Variants in LIG3 observed in about 807,000 individuals in gnomAD.
LIG3 encodes ligase II, DNA, ATP-dependent.
LIG3 carries 58 observed loss-of-function variants against 110.9 expected under a neutral mutation model. The ratio of observed to expected loss-of-function variants is 0.52; its 90% CI spans 0.42 to 0.65. LIG3 has a LOEUF of 0.65. Ranked by LOEUF, LIG3 falls within the 30% of genes least tolerant of loss-of-function variation. The probability of loss-of-function intolerance (pLI) is 0.00; values close to 1 mark genes in which losing one functional copy is unlikely to be tolerated. For missense variants in LIG3, 1,094 were observed against 1,273.8 expected, an observed-to-expected ratio of 0.86 and a Z score of 2.15; for synonymous variants, 422 against 472.8, an observed-to-expected ratio of 0.89 and a Z score of 1.39.
intron 3 of LIG3, among the ~76,000 whole-genome samples, chr17:34,989,194 C>T (rs1044224982): frequency 1.3e-5 from 2 of 152,026 alleles, no homozygotes; most frequent in African/African-American, 4.8e-5. Context: ...GTAAAGTGCT[C>T]ACATAAAGAG....
At chr17:34,998,349 C>T in intron 13 of LIG3, 53 bp downstream of exon 13, 2 of 1,503,416 alleles carry the variant, frequency 1.3e-6, no homozygotes, top group African/African-American at 1.4e-5. Flanking sequence ...GCCCTCTCCC[C>T]TGAGCCTTTC....
downstream of LIG3, chr17:35,009,993 C>T (rs1481352613): frequency 6.6e-6 from 1 of 152,642 alleles, no homozygotes; most frequent in Non-Finnish European, 1.5e-5. Context: ...ATCTGATTCC[C>T]CCAACTCCTG....
rs1385176722 is a variant in LIG3 at position 35,007,573 on chromosome 17, G to A, written c.*3067G>A. 3 of 152,144 alleles carry A rather than the reference G, an allele frequency of 2.0e-5. No individual in the cohort carries two copies. In the East Asian group the frequency reaches 5.8e-4, roughly 29 times the overall value. The allele number at this position is 152,144 out of a possible 1,614,324, so 9.4% of individuals were successfully genotyped here. A position where few individuals can be genotyped will look rare whatever the true frequency, so the allele number is the denominator to read the frequency against. On this transcript the variant is annotated 3_prime_UTR_variant, in exon 20 of 20. Transcript: ENST00000378526. ...CATCCTCGATCCTTTATGCCCTTTT[G>A]GCAAGATTCCTTTCTCTTCTCAGTC...
Position 34,999,347 on chromosome 17 carries a change from T to G in LIG3, c.2154T>G (p.Pro718=), listed in dbSNP as rs781774259. Residue 718 remains proline, a synonymous_variant, in exon 15 of 20, where the codon CCT becomes CCG. Transcript: ENST00000378526. The stretch of plus-strand genomic sequence containing the variant: ...TCTTCCTCATGGGCTGCTACGACCC[T>G]GGCAGCCAGAAGTGGTGCACAGTCA... ...MSIFLMGCYD[P]GSQKWCTVTK... 1 of 1,613,982 alleles carries G rather than the reference T, an allele frequency of 6.2e-7. No individual in the cohort carries two copies.
Position 34,999,801 on chromosome 17 carries a change from G to T in LIG3, c.2276G>T (p.Ser759Ile), listed in dbSNP as rs530203394. ...CTCTAGGACCCCAGCAAAATACCCA[G>T]CTGGTTGAAGGTCAACAAGATCTAC... ...KISKDPSKIP[S>I]WLKVNKIYYP... The change falls in exon 16 of 20, where the codon AGC (serine) becomes ATC (isoleucine). Residue 759 changes from serine (S) to isoleucine (I), a missense_variant. Ser to Ile is a moderately radical substitution (Grantham distance 142). Transcript: ENST00000378526. The T allele has an allele frequency of 3.8e-5, 62 of 1,614,084 alleles. 1 individual carries two copies. The South Asian group carries it at 6.3e-4, about 16-fold the overall frequency.
rs1406575960 is a variant in LIG3, at chr17:35,004,507, G to T, written c.*1G>T. 8 of 1,611,616 alleles carry T rather than the reference G, an allele frequency of 5.0e-6. No individual in the cohort carries two copies. The highest frequency in any genetic ancestry group is 2.2e-5 in the East Asian group (1 of 44,860). On this transcript the variant is annotated 3_prime_UTR_variant, in exon 20 of 20. Transcript: ENST00000378526. ...ACGGAGACTGGTAGCTCCCTGCTAG[G>T]TTTGCTGTCTTCCCTCTCCCTCAGG...
chr17:34,992,098 G>A, intron 7 of LIG3, 63 bp downstream of exon 7: 1 of 1,454,824 alleles, frequency 6.9e-7, no homozygotes, highest in Non-Finnish European at 9.6e-7. Context: ...TTCCCAACTG[G>A]TGTCAGGACT....
At chr17:34,987,144 T>G (rs1417561803) in intron 3 of LIG3, among the ~76,000 whole-genome samples, 2 of 152,220 alleles carry the variant, frequency 1.3e-5, no homozygotes. Context: ...ATAGTTTCTT[T>G]TATATAAAAT....
In LIG3 at chr17:35,006,222, C is replaced by T. The variant is rs1450689749; in HGVS notation, c.*1716C>T. ...AGCAGTGGAAATATCCATAAATCTGCAGTATCCAACCAAACTAGCCACAGA... is the reference window on the plus strand; with the variant it reads ...AGCAGTGGAAATATCCATAAATCTGTAGTATCCAACCAAACTAGCCACAGA... On this transcript the variant is annotated 3_prime_UTR_variant, in exon 20 of 20. Transcript: ENST00000378526. The T allele has an allele frequency of 1.9e-5, 3 of 155,286 alleles. No individual in the cohort carries two copies. The highest frequency in any genetic ancestry group is 4.8e-5 in the African/African-American group (2 of 41,446). 9.6% of individuals were successfully genotyped at this position (155,286 alleles called of 1,614,324 possible).
At position 34,983,087 on chromosome 17, in the gene LIG3, C is replaced by T. The variant is rs200258822; in HGVS notation, c.82C>T (p.His28Tyr). 29 of 1,613,954 alleles carry T rather than the reference C, an allele frequency of 1.8e-5. No individual in the cohort carries two copies. Among genetic ancestry groups the T allele is most frequent in the Middle Eastern group, 3.3e-4 (2 of 6,062 alleles). The change falls in exon 2 of 20, where the codon CAC becomes TAC. Residue 28 changes from histidine (H) to tyrosine (Y), a missense_variant. Physicochemically the swap from His to Tyr is moderately conservative, Grantham distance 83 (BLOSUM62 2). Coordinates refer to ENST00000378526, the MANE Select transcript of LIG3 (RefSeq NM_013975.4). ...AGAACTGTGCCTATTCCGAAAACAT[C>T]ACTGGCGTGATGTAAGACAATTCAG... The part of the protein sequence containing the change: ...RKELCLFRKH[H>Y]WRDVRQFSQW...
chr17:34,987,698 T>G (rs2142242700), intron 3 of LIG3, among the ~76,000 whole-genome samples: 1 of 152,326 alleles, frequency 6.6e-6, no homozygotes, highest in Non-Finnish European at 1.5e-5. Flanking sequence ...TGGCCTCTCC[T>G]ACCATAGTGC....
At chr17:34,986,587 G>A (rs1423894061) in intron 3 of LIG3, among the ~76,000 whole-genome samples, 1 of 152,202 alleles carries the variant, frequency 6.6e-6, no homozygotes, top group African/African-American at 2.4e-5. Flanking sequence ...TTCCCAAAGT[G>A]CTGGGATTGC....
intron 3 of LIG3, among the ~76,000 whole-genome samples, chr17:34,986,528 G>C (rs1045610330): frequency 2.0e-5 from 3 of 152,108 alleles, no homozygotes; most frequent in African/African-American, 7.2e-5. Context: ...CGCCACGTTG[G>C]CCAGGCTGGT....
chr17:34,996,123 G>A lies in LIG3; in HGVS notation c.1671G>A (p.Leu557=). 2 of 1,614,154 alleles carry A rather than the reference G, an allele frequency of 1.2e-6. No homozygotes were observed. Among genetic ancestry groups the A allele is most frequent in the Non-Finnish European group, 1.7e-6 (2 of 1,180,018 alleles). The stretch of plus-strand genomic sequence containing the variant: ...TTCCTGGGGGCCACAGCATGATCTT[G>A]GATTCTGAAGTGCTTCTGATTGACA... ...QAFPGGHSMI[L]DSEVLLIDNK... The change falls in exon 10 of 20, where the codon TTG becomes TTA. Residue 557 remains leucine (L), a synonymous_variant. Coordinates refer to ENST00000378526, the MANE Select transcript of LIG3 (RefSeq NM_013975.4).
rs768727629 is a variant in LIG3, at chr17:35,001,313, A to T, written c.2388A>T (p.Thr796=). 1.2e-6 allele frequency: 2 copies of T among 1,614,198 alleles called. No individual in the cohort carries two copies. The highest frequency in any genetic ancestry group is 1.7e-6 in the Non-Finnish European group (2 of 1,180,006). ...GAEFSKSEAH[T]ADGISIRFPR... ...AATTCTCCAAATCGGAGGCTCATAC[A>T]GCTGACGGGATCTCCATCCGATTCC... is the stretch of plus-strand genomic sequence containing the variant. The change falls in exon 17 of 20, where the codon ACA becomes ACT. Residue 796 remains threonine (T), a synonymous_variant. Transcript: ENST00000378526.
Position 34,983,291 on chromosome 17 carries a change from G to T in LIG3, c.286G>T (p.Asp96Tyr), listed in dbSNP as rs753524735. The change falls in exon 2 of 20, where the codon GAC (aspartate) becomes TAC (tyrosine). Residue 96 changes from aspartate to tyrosine, a missense_variant. Physicochemically the swap from Asp to Tyr is radical, Grantham distance 160 (BLOSUM62 -3). Transcript: ENST00000378526. Reference protein sequence around the residue: ...CEMAEQRFCVDYAKRGTAGCK... With the variant: ...CEMAEQRFCVYYAKRGTAGCK... ...GATGGCTGAGCAACGGTTCTGTGTG[G>T]ACTATGCCAAGCGTGGCACAGCTGG... The T allele has an allele frequency of 1.2e-6, 2 of 1,614,236 alleles. No individual in the cohort carries two copies. Among genetic ancestry groups the T allele is most frequent in the Non-Finnish European group, 1.7e-6 (2 of 1,180,040 alleles).
At chr17:34,987,845 G>C (rs1212008885) in intron 3 of LIG3, among the ~76,000 whole-genome samples, 5 of 152,142 alleles carry the variant, frequency 3.3e-5, no homozygotes. Flanking sequence ...TTCTCATGAG[G>C]ACTGTAAGAG....
Position 34,996,205 on chromosome 17 carries a change from C to T in LIG3, c.1743+10C>T, listed in dbSNP as rs1345297277. The T allele has an allele frequency of 3.1e-6, 5 of 1,613,548 alleles. No homozygotes were observed. The South Asian group carries it at 3.3e-5, about 11-fold the overall frequency. On this transcript the variant is annotated intron_variant, in intron 10 of 19. Coordinates refer to ENST00000378526, the MANE Select transcript of LIG3 (RefSeq NM_013975.4). ...TCTGGGAGTACACAAGGTACTAGCT[C>T]AGGGCCATATGTGCAAGAATGAATG...
At chr17:34,996,521 T>C in intron 10 of LIG3, 53 bp from the exon 11 acceptor site, 2 of 1,443,608 alleles carry the variant, frequency 1.4e-6, no homozygotes, top group Middle Eastern at 3.5e-4. Flanking sequence ...CTCCTTATTT[T>C]TTCACACTGA....
Sources: gnomAD v4.1 joint callset for allele counts (sites outside exome capture counted in the v4.1 genomes callset) on GRCh38, gnomAD v4.1.1 for gene constraint, MANE v1.5 for transcripts, NCBI Gene and HGNC (gene_info 2026-07-23, HGNC 2026-07-21) for gene names.